Variants in SKAP1 observed in about 807,000 individuals in gnomAD.
SKAP1 encodes src kinase-associated phosphoprotein 1.
Under a neutral mutation model 58.5 loss-of-function variants are expected in SKAP1, and 44 were observed. The ratio of observed to expected loss-of-function variants is 0.75; its 90% confidence interval spans 0.59 to 0.97. The LOEUF (loss-of-function observed/expected upper bound fraction) is 0.97, where lower values mean the gene tolerates loss of function less well. SKAP1 is among the 50% of genes least tolerant of loss of function. SKAP1 has a pLI of 0.00. For synonymous variants in SKAP1, 127 were observed against 149.7 expected (o/e 0.85, Z 1.11); for missense variants, 390 against 435.2 (o/e 0.90, Z 0.92).
rs766639470 is a variant in SKAP1 at position 48,349,832 on chromosome 17, T to C, written c.179-3826A>G. On this transcript the variant is annotated intron_variant, in intron 3 of 12. Transcript: ENST00000336915. Reference sequence around the variant, plus strand: ...CTTTGTGTCAGGTGTAAGGTAATTATTTCCTAGGGTTTCTGTGCTATTTGT... The same window carrying C: ...CTTTGTGTCAGGTGTAAGGTAATTACTTCCTAGGGTTTCTGTGCTATTTGT... Among the ~76,000 whole-genome samples, 97 of 152,206 alleles carry C rather than the reference T, an allele frequency of 6.4e-4. 1 individual carries two copies. The highest frequency in any genetic ancestry group is 1.3e-3 in the Non-Finnish European group (86 of 68,038).
rs2063708357 is a variant in SKAP1 at position 48,136,921 on chromosome 17, G to A, written c.*7+308C>T. On this transcript the variant is annotated intron_variant, in intron 12 of 12. Transcript: ENST00000336915. ...TGACCTCAGGTGATCTGCCCACCTC[G>A]GCCTCCTAAAGTGCTGGGATTACAG... is the stretch of plus-strand genomic sequence containing the variant. The A allele has an allele frequency of 2.4e-5, 5 of 205,448 alleles. No homozygotes were observed. In the South Asian group the frequency reaches 3.3e-4, roughly 14 times the overall value. The allele number at this position is 205,448 out of a possible 1,614,324, so 12.7% of individuals were successfully genotyped here.
chr17:48,218,325 T>C (rs1159304562), intron 4 of SKAP1, among the ~76,000 whole-genome samples: 1 of 152,130 alleles, frequency 6.6e-6, no homozygotes, highest in Non-Finnish European at 1.5e-5. Flanking sequence ...AACCAACCCT[T>C]CTCATCCATA....
chr17:48,136,984 G>A (rs1008327175), intron 12 of SKAP1: 17 of 356,938 alleles, frequency 4.8e-5, no homozygotes, highest in Non-Finnish European at 7.4e-5. Flanking sequence ...TGTTAATTAA[G>A]TCATTTTTAG....
At chr17:48,369,037 C>T (rs1042186535) in intron 2 of SKAP1, among the ~76,000 whole-genome samples, 7 of 152,002 alleles carry the variant, frequency 4.6e-5, no homozygotes, top group Non-Finnish European at 8.8e-5. Flanking sequence ...ATCTCAGCTA[C>T]TTGGGAGTCG....
At chr17:48,429,309 C>T (rs1298868570) in intron 1 of SKAP1, among the ~76,000 whole-genome samples, 2 of 152,172 alleles carry the variant, frequency 1.3e-5, no homozygotes, top group African/African-American at 2.4e-5. Flanking sequence ...TGCCCGTTAG[C>T]AACGTCTCTT....
At chr17:48,297,448 T>C (rs996462730) in intron 4 of SKAP1, among the ~76,000 whole-genome samples, 3 of 152,228 alleles carry the variant, frequency 2.0e-5, no homozygotes, top group Admixed American at 1.3e-4. Context: ...ACAGCTATTA[T>C]CATTCTTAGT....
intron 1 of SKAP1, among the ~76,000 whole-genome samples, chr17:48,405,389 TTTCCTTTCTTTC>T (rs1294815566): frequency 1.4e-5 from 2 of 147,620 alleles, no homozygotes; most frequent in Non-Finnish European, 3.0e-5. Flanking sequence ...TTTTTTTCTC[TTTCCTTTCTTTC>T]TTTCTTTCTT....
chr17:48,153,620 A>G (rs1351698083), intron 11 of SKAP1, among the ~76,000 whole-genome samples: 1 of 152,158 alleles, frequency 6.6e-6, no homozygotes, highest in Non-Finnish European at 1.5e-5. Flanking sequence ...CATAAATAAG[A>G]AAAGATACTT....
At chr17:48,438,048 G>C in the SKAP1 span, among the ~76,000 whole-genome samples, 2 of 152,056 alleles carry the variant, frequency 1.3e-5, no homozygotes, top group African/African-American at 4.8e-5. Context: ...ATAAGCTTCA[G>C]AGTATATATC....
At chr17:48,363,891 T>C (rs2066968975) in intron 2 of SKAP1, 77 bp from the exon 3 acceptor site, 3 of 1,188,038 alleles carry the variant, frequency 2.5e-6, no homozygotes, top group Middle Eastern at 2.0e-4. Flanking sequence ...ACCATAGCTA[T>C]AGCACCTGGT....
intron 3 of SKAP1, among the ~76,000 whole-genome samples, chr17:48,351,285 G>A (rs4239200): frequency 1 from 152,256 of 152,358 alleles, 76,077 homozygotes; most frequent in Middle Eastern, 1. Context: ...AAAATGTACT[G>A]TGTTTTCCAG....
chr17:48,253,736 G>C (rs1174746932), intron 4 of SKAP1, among the ~76,000 whole-genome samples: 2 of 151,994 alleles, frequency 1.3e-5, no homozygotes, highest in African/African-American at 4.8e-5. Flanking sequence ...ATCTCTCTCT[G>C]AGAGATCAAG....
intron 1 of SKAP1, among the ~76,000 whole-genome samples, chr17:48,423,683 T>G (rs1289230679): frequency 3.3e-5 from 5 of 152,300 alleles, no homozygotes; most frequent in African/African-American, 9.6e-5. Flanking sequence ...ATCTAAGAGA[T>G]AAAATAGCGT....
intron 4 of SKAP1, among the ~76,000 whole-genome samples, chr17:48,220,868 A>G (rs1269893218): frequency 2.4e-5 from 3 of 123,854 alleles, no homozygotes; most frequent in Non-Finnish European, 5.5e-5. Context: ...AAAAAAAAAA[A>G]AAAAAAAAAG....
At chr17:48,205,954 T>C (rs534539219) in intron 4 of SKAP1, among the ~76,000 whole-genome samples, 1 of 151,350 alleles carries the variant, frequency 6.6e-6, no homozygotes, top group East Asian at 1.9e-4. Context: ...AAAGGTGACA[T>C]TGGGTCCAGA....
At chr17:48,197,315 A>ATGCAAGG (rs1384407741) in intron 4 of SKAP1, among the ~76,000 whole-genome samples, 1 of 151,236 alleles carries the variant, frequency 6.6e-6, no homozygotes, top group East Asian at 1.9e-4. Flanking sequence ...ACCTCTTCTG[A>ATGCAAGG]TGCAAGGGTG....
At chr17:48,362,784 T>C (rs2144395746) in intron 3 of SKAP1, among the ~76,000 whole-genome samples, 1 of 152,322 alleles carries the variant, frequency 6.6e-6, no homozygotes, top group South Asian at 2.1e-4. Context: ...ATAAAACTTA[T>C]AATCACTCAC....
At chr17:48,217,770 A>G (rs2064957605) in intron 4 of SKAP1, among the ~76,000 whole-genome samples, 1 of 152,248 alleles carries the variant, frequency 6.6e-6, no homozygotes, top group African/African-American at 2.4e-5. Flanking sequence ...TTTGAGGCTA[A>G]TAAAGGCACC....
chr17:48,275,118 A>G lies in SKAP1; in HGVS notation c.280+70787T>C, dbSNP rs536628997. 7.9e-5 allele frequency among the ~76,000 whole-genome samples: 12 copies of G among 152,316 alleles called. No individual in the cohort carries two copies. The East Asian group carries it at 1.7e-3, about 22-fold the overall frequency. On this transcript the variant is annotated intron_variant, in intron 4 of 12. Transcript: ENST00000336915. ...TTCCCTTTCACTTTACCAGACTTCC[A>G]GTAAAGCAATCTGTACTGATGCTTC...
Sources: allele counts gnomAD v4.1 joint callset (sites outside exome capture counted in the v4.1 genomes callset), GRCh38; gene constraint gnomAD v4.1.1; transcripts MANE v1.5; gene names NCBI Gene and HGNC (gene_info 2026-07-23, HGNC 2026-07-21).